Variants in BSCL2 observed in about 807,000 individuals in gnomAD.
BSCL2 encodes the protein BSCL2 lipid droplet biogenesis associated, seipin, also known as seipin.
Under a neutral mutation model 57.4 loss-of-function variants are expected in BSCL2, and 41 were observed. That is an observed-to-expected ratio of 0.71 (90% CI 0.56 to 0.93). The LOEUF (loss-of-function observed/expected upper bound fraction) is 0.93. Ranked by LOEUF, BSCL2 falls within the 40% of genes least tolerant of loss-of-function variation. The probability of loss-of-function intolerance (pLI) is 0.00; values close to 1 mark genes in which losing one functional copy is unlikely to be tolerated. For missense variants in BSCL2, 539 were observed against 586.7 expected, an observed-to-expected ratio of 0.92 and a Z score of 0.84; for synonymous variants, 237 against 227.3, an observed-to-expected ratio of 1.04 and a Z score of -0.38.
chr11:62,708,412 T>A, upstream of BSCL2: 1 of 1,551,688 alleles, frequency 6.4e-7, no homozygotes, highest in Non-Finnish European at 8.9e-7. Flanking sequence ...GGACCCTGGC[T>A]GGCTCCCATT....
intron 4 of BSCL2, 57 bp downstream of exon 4, chr11:62,694,511 C>T (rs1173741786): frequency 6.2e-7 from 1 of 1,612,494 alleles, no homozygotes; most frequent in Non-Finnish European, 8.5e-7. Context: ...AGCCCCCTAC[C>T]CATTCTGATC....
rs759201886 is a variant in BSCL2, at chr11:62,705,481, A to G, written c.224T>C (p.Leu75Pro). ...GACTTGGCCCACCTCCTGGGCCCACAGTAAGGCAGGTACTGGAGGGTCGTT... is the reference window on the plus strand; with the variant it reads ...GACTTGGCCCACCTCCTGGGCCCACGGTAAGGCAGGTACTGGAGGGTCGTT... Reference protein sequence around the residue: ...MVNDPPVPALLWAQEVGQVLA... With the variant: ...MVNDPPVPALPWAQEVGQVLA... The change falls in exon 2 of 11, where the codon CTG becomes CCG. Residue 75 changes from leucine to proline, a missense_variant. Physicochemically the swap from Leu to Pro is moderately conservative, Grantham distance 98 (BLOSUM62 -3). Coordinates refer to ENST00000360796, the MANE Select transcript of BSCL2 (RefSeq NM_001122955.4). 4 of 1,614,070 alleles carry G rather than the reference A, an allele frequency of 2.5e-6. No homozygotes were observed. The highest frequency in any genetic ancestry group is 2.5e-6 in the Non-Finnish European group (3 of 1,180,038).
chr11:62,690,477 G>C lies in BSCL2; in HGVS notation c.1279C>G (p.Leu427Val), dbSNP rs1197237474. The change falls in exon 11 of 11, where the codon CTG becomes GTG. Residue 427 changes from leucine (L) to valine (V), a missense_variant. Transcript: ENST00000360796. Reference protein sequence around the residue: ...EDAALLTEANLPAPAPASASA... With the variant: ...EDAALLTEANVPAPAPASASA... ...GCAGAAGCAGGAGCAGGAGCAGGCA[G>C]GTTGGCCTCCGTCAGCAAAGCTGCA... The C allele has an allele frequency of 6.2e-7, 1 of 1,614,058 alleles. No individual in the cohort carries two copies. The highest frequency in any genetic ancestry group is 1.3e-5 in the African/African-American group (1 of 74,920).
chr11:62,696,029 C>A (rs1397174834), intron 3 of BSCL2, among the ~76,000 whole-genome samples: 1 of 151,864 alleles, frequency 6.6e-6, no homozygotes, highest in African/African-American at 2.4e-5. Context: ...AAAAATTAGC[C>A]GGGCGTGGTA....
chr11:62,699,764 C>T (rs1945586395), intron 3 of BSCL2, among the ~76,000 whole-genome samples: 1 of 150,022 alleles, frequency 6.7e-6, no homozygotes. Flanking sequence ...TTGCAACCTC[C>T]ACCTCCCGGG....
chr11:62,704,844 G>A (rs1047817470), intron 2 of BSCL2, among the ~76,000 whole-genome samples: 2 of 152,124 alleles, frequency 1.3e-5, no homozygotes, highest in Non-Finnish European at 2.9e-5. Context: ...AAGTTTATGC[G>A]CCTACTCATC....
chr11:62,702,659 A>G, intron 2 of BSCL2, 110 bp from the exon 3 acceptor site: 2 of 819,320 alleles, frequency 2.4e-6, no homozygotes, highest in Non-Finnish European at 4.1e-6. Context: ...CTCTCAGAAC[A>G]GGCACCCTTC....
At chr11:62,692,588 G>A in intron 5 of BSCL2, 75 bp downstream of exon 5, 1 of 1,612,784 alleles carries the variant, frequency 6.2e-7, no homozygotes, top group Non-Finnish European at 8.5e-7. Context: ...CCTGAGCCTG[G>A]AGGCTTCTCA....
chr11:62,705,335 C>T lies in BSCL2; in HGVS notation c.370G>A (p.Val124Ile), dbSNP rs760380687. 1.1e-5 allele frequency: 18 copies of T among 1,613,706 alleles called. No homozygotes were observed. Among genetic ancestry groups the T allele is most frequent in the Non-Finnish European group, 1.5e-5 (18 of 1,179,840 alleles). ...AAATGCACAGGGCTGAGGTGGCTGA[C>T]TGTCGGCATATAGGAATAGTAGAAG... is the stretch of plus-strand genomic sequence containing the variant. The part of the protein sequence containing the change: ...GSFYYSYMPT[V>I]SHLSPVHFYY... Residue 124 changes from valine to isoleucine, a missense_variant, in exon 2 of 11, where the codon GTC becomes ATC. Physicochemically the swap from Val to Ile is conservative, Grantham distance 29. Transcript: ENST00000360796.
chr11:62,702,651 C>G (rs1945679449), intron 2 of BSCL2, 102 bp from the exon 3 acceptor site: 2 of 895,034 alleles, frequency 2.2e-6, no homozygotes, highest in Non-Finnish European at 3.6e-6. Flanking sequence ...CCTCCCTTCT[C>G]TCAGAACAGG....
Position 62,690,868 on chromosome 11 carries a change from C to G in BSCL2, c.1073-1G>C. On this transcript the variant is annotated splice_acceptor_variant, in intron 8 of 10. Coordinates refer to ENST00000360796, the MANE Select transcript of BSCL2 (RefSeq NM_001122955.4). LOFTEE classifies it high-confidence loss of function. ...GTTGACTCCTCCTGGCCTTCAGGCC[C>G]TGCACCTCCAAAGAGGGAGAGGACA... 6.2e-7 allele frequency: 1 copy of G among 1,613,404 alleles called. No individual in the cohort carries two copies. The highest frequency in any genetic ancestry group is 8.5e-7 in the Non-Finnish European group (1 of 1,179,886).
chr11:62,708,567 G>A (rs185323471), upstream of BSCL2: 1,343 of 1,477,292 alleles, frequency 9.1e-4, 8 homozygotes, highest in Middle Eastern at 0.015. Context: ...TGAGGGAGAA[G>A]ACAAGTCGTA....
chr11:62,692,299 C>G, intron 6 of BSCL2, 77 bp downstream of exon 6: 2 of 1,465,966 alleles, frequency 1.4e-6, no homozygotes, highest in Non-Finnish European at 1.9e-6. Flanking sequence ...AACCCATTAC[C>G]TCTGCTTGGG....
Position 62,692,796 on chromosome 11 carries a change from ACCTGCC to A in BSCL2, c.631-5_631del. ...CAGGTCTGAGCGGTAATGCAGCATC[ACCTGCC>A]GGGGGTGGGAAGCAGAGGCTGGGGA... On this transcript the variant is annotated splice_acceptor_variant and splice_polypyrimidine_tract_variant and coding_sequence_variant and intron_variant, in exon 5 of 11. Coordinates refer to ENST00000360796, the MANE Select transcript of BSCL2 (RefSeq NM_001122955.4). LOFTEE classifies it high-confidence loss of function. The A allele has an allele frequency of 6.2e-7, 1 of 1,613,172 alleles. No homozygotes were observed. Among genetic ancestry groups the A allele is most frequent in the Non-Finnish European group, 8.5e-7 (1 of 1,179,970 alleles).
At chr11:62,691,483 T>A in intron 6 of BSCL2, 62 bp from the exon 7 acceptor site, 1 of 1,582,420 alleles carries the variant, frequency 6.3e-7, no homozygotes. Flanking sequence ...AGCCTTCTCA[T>A]GTCCCAGAAA....
intron 3 of BSCL2, 51 bp from the exon 4 acceptor site, chr11:62,694,762 T>G: frequency 6.3e-7 from 1 of 1,584,180 alleles, no homozygotes; most frequent in Non-Finnish European, 8.6e-7. Context: ...GTTGAAAATG[T>G]ACTGTCTCTA....
intron 4 of BSCL2, among the ~76,000 whole-genome samples, chr11:62,693,816 T>C (rs1309869220): frequency 3.3e-5 from 5 of 151,578 alleles, no homozygotes; most frequent in Non-Finnish European, 7.4e-5. Context: ...GCTGATTCCT[T>C]TCTCTTTTTT....
chr11:62,691,767 C>G (rs775525602), intron 6 of BSCL2, among the ~76,000 whole-genome samples: 1 of 152,116 alleles, frequency 6.6e-6, no homozygotes, highest in Admixed American at 6.6e-5. Flanking sequence ...ATTCTGCTCA[C>G]AGGCCGGACG....
At chr11:62,706,172 CG>C in intron 1 of BSCL2, 5 of 1,032,400 alleles carry the variant, frequency 4.8e-6, no homozygotes, top group Non-Finnish European at 1.2e-6. Context: ...CCCTCCAGCT[CG>C]GGGGTGGGCA....
Sources: allele counts gnomAD v4.1 joint callset (sites outside exome capture counted in the v4.1 genomes callset), GRCh38; gene constraint gnomAD v4.1.1; transcripts MANE v1.5; gene names NCBI Gene and HGNC (gene_info 2026-07-23, HGNC 2026-07-21).